The following RPS6KA2 variants were observed in gnomAD, a reference collection of about 807,000 sequenced individuals.
The protein encoded by RPS6KA2 is ribosomal protein S6 kinase A2.
A neutral mutation model predicts 91.8 loss-of-function variants in RPS6KA2; 42 were observed. The ratio of observed to expected loss-of-function variants is 0.46; its 90% CI spans 0.36 to 0.59. The LOEUF (loss-of-function observed/expected upper bound fraction) is 0.59, where lower values mean the gene tolerates loss of function less well. Ranked by LOEUF, RPS6KA2 falls within the 20% of genes least tolerant of loss-of-function variation. RPS6KA2 has a pLI of 0.00. For missense variants in RPS6KA2, 798 were observed against 978.5 expected (o/e 0.82, Z 2.46); for synonymous variants, 414 against 393.6 (o/e 1.05, Z -0.61).
intron 9 of RPS6KA2, 35 bp from the exon 10 acceptor site, chr6:166,488,956 A>C: frequency 1.3e-6 from 2 of 1,547,086 alleles, no homozygotes; most frequent in Non-Finnish European, 8.9e-7. Context: ...GATCTATTTT[A>C]GGAGAACAAG....
At chr6:166,781,651 C>A (rs1778777138) in intron 2 of RPS6KA2, among the ~76,000 whole-genome samples, 1 of 152,150 alleles carries the variant, frequency 6.6e-6, no homozygotes, top group Non-Finnish European at 1.5e-5. Flanking sequence ...GTAAACAGGC[C>A]CAGCTGCAAA....
chr6:166,617,364 T>A (rs1219327300), intron 1 of RPS6KA2, among the ~76,000 whole-genome samples: 1 of 152,232 alleles, frequency 6.6e-6, no homozygotes, highest in Non-Finnish European at 1.5e-5. Flanking sequence ...CTTTTAAAAA[T>A]TTTTAAGTAA....
At chr6:166,517,181 C>A (rs1782675346) in intron 3 of RPS6KA2, among the ~76,000 whole-genome samples, 1 of 151,758 alleles carries the variant, frequency 6.6e-6, no homozygotes, top group Non-Finnish European at 1.5e-5. Flanking sequence ...ACTTAAAAAA[C>A]AAAACAAAAC....
chr6:166,862,471 G>T, exon 1 of RPS6KA2: 1 of 946,812 alleles, frequency 1.1e-6, no homozygotes, highest in Non-Finnish European at 1.4e-6. Context: ...CTGGGGCGAG[G>T]AAAGGAGGGG....
intron 2 of RPS6KA2, among the ~76,000 whole-genome samples, chr6:166,659,520 G>C (rs935219317): frequency 6.6e-6 from 1 of 152,190 alleles, no homozygotes; most frequent in Non-Finnish European, 1.5e-5. Flanking sequence ...ATTTTGTCTT[G>C]TTTTCCAAAC....
chr6:166,517,631 G>A lies in RPS6KA2; in HGVS notation c.299-7274C>T, dbSNP rs1020630225. Among the ~76,000 whole-genome samples, 7 of 151,028 alleles carry A rather than the reference G, an allele frequency of 4.6e-5. No individual in the cohort carries two copies. The East Asian group carries it at 5.8e-4, about 13-fold the overall frequency. ...GCTGGGACTACAGGCGCCCGCCACC[G>A]CGCCCGGCTAATTTTTTGTATTTTT... On this transcript the variant is annotated intron_variant, in intron 3 of 20. Coordinates refer to ENST00000265678, the MANE Select transcript of RPS6KA2 (RefSeq NM_021135.6).
chr6:166,552,525 A>T (rs1042229476), intron 1 of RPS6KA2, among the ~76,000 whole-genome samples: 1 of 151,836 alleles, frequency 6.6e-6, no homozygotes, highest in African/African-American at 2.4e-5. Context: ...AAATTGTATT[A>T]TAAAAGTTTT....
At chr6:166,538,186 T>C (rs900950879) in intron 2 of RPS6KA2, among the ~76,000 whole-genome samples, 1 of 152,222 alleles carries the variant, frequency 6.6e-6, no homozygotes, top group African/African-American at 2.4e-5. Flanking sequence ...TGAGGCTTCA[T>C]GAGGCAATCG....
In RPS6KA2 at chr6:166,733,196, G is replaced by A. The variant is rs1272322976; in HGVS notation, c.123+125004C>T. Among the ~76,000 whole-genome samples the A allele has an allele frequency of 2.0e-5, 3 of 152,104 alleles. No individual in the cohort carries two copies. The highest frequency in any genetic ancestry group is 2.1e-4 in the South Asian group (1 of 4,826). Reference sequence around the variant, plus strand: ...AATTATACTTGGATGTCACATTATCGGCCAGAATGGGAGTACTTTTGAAAG... The same window carrying A: ...AATTATACTTGGATGTCACATTATCAGCCAGAATGGGAGTACTTTTGAAAG... On this transcript the variant is annotated intron_variant, in intron 2 of 21. Coordinates refer to the RPS6KA2 transcript ENST00000503859. This position sits in a 1 kb window ranked among gnomAD's most constrained non-coding sequence, Gnocchi z 4.1.
At chr6:166,455,595 C>T (rs908763005) in intron 12 of RPS6KA2, among the ~76,000 whole-genome samples, 3 of 152,196 alleles carry the variant, frequency 2.0e-5, no homozygotes, top group Admixed American at 1.3e-4. Flanking sequence ...ACTAGCGAAG[C>T]GTCGTTAAAA....
chr6:166,412,454 T>G lies in RPS6KA2; in HGVS notation c.*308A>C. ...GATCTCTCGGCAGAAACAGAAGCCA[T>G]GTATGAGAGGACCCGCGGGCTCTGA... On this transcript the variant is annotated 3_prime_UTR_variant, in exon 21 of 21. Transcript: ENST00000265678. This position sits in a 1 kb window ranked among gnomAD's most constrained non-coding sequence, Gnocchi z 4.3. The G allele has an allele frequency of 4.7e-6, 1 of 210,920 alleles. No individual in the cohort carries two copies. The highest frequency in any genetic ancestry group is 2.3e-5 in the African/African-American group (1 of 43,672). 13.1% of individuals were successfully genotyped at this position (210,920 alleles called of 1,614,324 possible). A position where few individuals can be genotyped will look rare whatever the true frequency, so the allele number is the denominator to read the frequency against.
At chr6:166,838,628 T>C (rs1398073711) in intron 2 of RPS6KA2, among the ~76,000 whole-genome samples, 3 of 152,242 alleles carry the variant, frequency 2.0e-5, no homozygotes, top group African/African-American at 4.8e-5. Flanking sequence ...TGTATTATCA[T>C]GTCCCTACGT....
intron 1 of RPS6KA2, among the ~76,000 whole-genome samples, chr6:166,550,466 T>C (rs1583270268): frequency 6.6e-6 from 1 of 152,222 alleles, no homozygotes; most frequent in African/African-American, 2.4e-5. Flanking sequence ...GGACTCAATA[T>C]TTTTAAAGCT....
intron 2 of RPS6KA2, among the ~76,000 whole-genome samples, chr6:166,675,274 G>T (rs1788585520): frequency 6.6e-6 from 1 of 152,154 alleles, no homozygotes; most frequent in Admixed American, 6.5e-5. Context: ...GAGGAGGCCG[G>T]CCTCCCCTTC....
At chr6:166,514,831 G>A (rs1214396882) in intron 3 of RPS6KA2, among the ~76,000 whole-genome samples, 1 of 152,190 alleles carries the variant, frequency 6.6e-6, no homozygotes, top group Admixed American at 6.5e-5. Context: ...AAAGAAGGGA[G>A]CTGCATCATC....
chr6:166,799,642 T>A (rs1239487514), intron 2 of RPS6KA2, among the ~76,000 whole-genome samples: 4 of 152,110 alleles, frequency 2.6e-5, no homozygotes, highest in African/African-American at 9.7e-5. Flanking sequence ...ACTACGGTAA[T>A]TGGATTCCAG....
chr6:166,525,407 G>T (rs1436678223), intron 3 of RPS6KA2, among the ~76,000 whole-genome samples: 1 of 152,046 alleles, frequency 6.6e-6, no homozygotes, highest in African/African-American at 2.4e-5. Context: ...GGTTGCAAGC[G>T]CACCCCAGCA....
intron 3 of RPS6KA2, among the ~76,000 whole-genome samples, chr6:166,530,973 G>A (rs763664859): frequency 9.9e-5 from 15 of 152,220 alleles, no homozygotes; most frequent in African/African-American, 3.6e-4. Flanking sequence ...TCCCAATGCC[G>A]CTCCACGGCA....
At chr6:166,591,847 A>G (rs35501888) in intron 1 of RPS6KA2, among the ~76,000 whole-genome samples, 105,727 of 152,082 alleles carry the variant, frequency 0.7, 38,419 homozygotes, top group East Asian at 0.99. Flanking sequence ...GGCCACCTTC[A>G]AGCCTGTGTG....
Sources: allele counts gnomAD v4.1 joint callset (sites outside exome capture counted in the v4.1 genomes callset), GRCh38; gene constraint gnomAD v4.1.1; non-coding constraint Gnocchi (gnomAD v3.1); transcripts MANE v1.5; gene names NCBI Gene and HGNC (gene_info 2026-07-23, HGNC 2026-07-21).